PIWIL1: variants seen among roughly 807,000 people sequenced by gnomAD.
PIWIL1 encodes the protein piwi like RNA-mediated gene silencing 1.
Under a neutral mutation model 114.4 loss-of-function variants are expected in PIWIL1, and 73 were observed. The observed-to-expected ratio is 0.64, with a 90% CI of 0.53 to 0.78. The LOEUF is 0.78. Ranked by LOEUF, PIWIL1 falls within the 30% of genes least tolerant of loss-of-function variation. PIWIL1 has a pLI of 0.00. For missense variants in PIWIL1, 723 were observed against 1,063.1 expected, an observed-to-expected ratio of 0.68 and a Z score of 4.45; for synonymous variants, 375 against 369.0, an observed-to-expected ratio of 1.02 and a Z score of -0.19.
chr12:130,384,021 C>T, the PIWIL1 span: 1 of 152,144 alleles, frequency 6.6e-6, no homozygotes, highest in Non-Finnish European at 1.5e-5. Flanking sequence ...TTAATGAGTG[C>T]ATAGTCTTCC....
intron 11 of PIWIL1, 101 bp from the exon 12 acceptor site, chr12:130,355,452 C>T (rs1482027710): frequency 1.7e-5 from 15 of 885,196 alleles, no homozygotes; most frequent in African/African-American, 6.6e-5. Context: ...ACCCTGACGG[C>T]GACATTGGAG....
At chr12:130,388,408 A>C in the PIWIL1 span, among the ~76,000 whole-genome samples, 1 of 152,360 alleles carries the variant, frequency 6.6e-6, no homozygotes, top group African/African-American at 2.4e-5. Flanking sequence ...TTTAATTACT[A>C]TACTTACCTA....
chr12:130,347,448 A>G (rs2073099025), intron 6 of PIWIL1, among the ~76,000 whole-genome samples: 1 of 152,194 alleles, frequency 6.6e-6, no homozygotes, highest in African/African-American at 2.4e-5. Context: ...CTTTCAGTGT[A>G]CATATCACAT....
Position 130,346,509 on chromosome 12 carries a change from A to C in PIWIL1, c.456A>C (p.Gln152His), listed in dbSNP as rs760684894. ...ARRLRSALLF[Q>H]HEDLIGKCHA... ...GACTCCGTTCAGCTCTTCTTTTTCA[A>C]CACGAAGATCTAATTGGAAAGTGTC... The change falls in exon 5 of 21, where the codon CAA becomes CAC. Residue 152 changes from glutamine (Q) to histidine (H), a missense_variant. Physicochemically the swap from Gln to His is conservative, Grantham distance 24. Coordinates refer to ENST00000245255, the MANE Select transcript of PIWIL1 (RefSeq NM_004764.5). 1 of 1,614,116 alleles carries C rather than the reference A, an allele frequency of 6.2e-7. No homozygotes were observed. Among genetic ancestry groups the C allele is most frequent in the Non-Finnish European group, 8.5e-7 (1 of 1,179,978 alleles).
In PIWIL1 at chr12:130,348,054, G is replaced by A. The variant is rs745771100; in HGVS notation, c.654-49G>A. 1.2e-4 allele frequency: 151 copies of A among 1,233,060 alleles called. 1 individual carries two copies. The Admixed American group carries it at 2.1e-3, about 17-fold the overall frequency. The allele number at this position is 1,233,060 out of a possible 1,614,324, so 76.4% of individuals were successfully genotyped here. On this transcript the variant is annotated intron_variant, in intron 6 of 20. Transcript: ENST00000245255. ...TAAACGACATGCTGTTCTGATTGTC[G>A]TATTAGAGATACTTATCAATATTCA...
Position 130,354,469 on chromosome 12 carries a change from C to G in PIWIL1, c.1045-68C>G. On this transcript the variant is annotated intron_variant, in intron 9 of 20. Transcript: ENST00000245255. ...CTTTATTTTTTTAAAAAATGAAACC[C>G]TTTTTGCCCACTGAGATGCTACTCG... is the stretch of plus-strand genomic sequence containing the variant. 3 of 1,595,764 alleles carry G rather than the reference C, an allele frequency of 1.9e-6. No homozygotes were observed. The East Asian group carries it at 6.7e-5, about 36-fold the overall frequency.
At chr12:130,354,246 A>C (rs2073298880) in intron 9 of PIWIL1, among the ~76,000 whole-genome samples, 1 of 152,162 alleles carries the variant, frequency 6.6e-6, no homozygotes, top group African/African-American at 2.4e-5. Flanking sequence ...AAGAAATAAA[A>C]AATTAAGCAA....
chr12:130,363,612 C>CTT (rs34198016), intron 18 of PIWIL1, among the ~76,000 whole-genome samples: 1,947 of 82,408 alleles, frequency 0.024, 180 homozygotes, highest in African/African-American at 0.075. Context: ...TACTTTCTCC[C>CTT]TTTTTTTTTT....
chr12:130,391,802 G>A, the PIWIL1 span, among the ~76,000 whole-genome samples: 2 of 152,146 alleles, frequency 1.3e-5, no homozygotes, highest in Admixed American at 1.3e-4. Context: ...CACCCATGGG[G>A]GCATGCGTAA....
chr12:130,392,083 G>A, the PIWIL1 span, among the ~76,000 whole-genome samples: 3,386 of 63,204 alleles, frequency 0.054, 125 homozygotes, highest in South Asian at 0.17. Flanking sequence ...TCACGTGGAT[G>A]CATCAGTTAC....
chr12:130,342,612 C>T lies in PIWIL1; in HGVS notation c.21C>T (p.Ala7=), dbSNP rs2072953520. 3 of 1,613,768 alleles carry T rather than the reference C, an allele frequency of 1.9e-6. No individual in the cohort carries two copies. The highest frequency in any genetic ancestry group is 2.5e-6 in the Non-Finnish European group (3 of 1,179,672). The change falls in exon 2 of 21, where the codon GCC becomes GCT. Residue 7 remains alanine, a synonymous_variant. Coordinates refer to ENST00000245255, the MANE Select transcript of PIWIL1 (RefSeq NM_004764.5). ...AAACAATGACTGGGAGAGCCCGAGC[C>T]AGAGCCAGAGGAAGGGCCCGCGGTC... MTGRAR[A]RARGRARGQE... is the part of the protein sequence containing the mutation.
chr12:130,397,593 A>G, the PIWIL1 span: 1 of 398,662 alleles, frequency 2.5e-6, no homozygotes, highest in Non-Finnish European at 4.4e-6. Context: ...GTGAGCGCCA[A>G]CAACAGAATT....
chr12:130,393,183 G>A, the PIWIL1 span, among the ~76,000 whole-genome samples: 766 of 5,222 alleles, frequency 0.15, 2 homozygotes, highest in South Asian at 0.24. Context: ...TACCTGGTGA[G>A]TATTGAATGT....
intron 18 of PIWIL1, among the ~76,000 whole-genome samples, chr12:130,363,703 C>T (rs935461223): frequency 1.3e-5 from 2 of 150,428 alleles, no homozygotes; most frequent in African/African-American, 2.5e-5. Context: ...CTGCAACCTC[C>T]GCCTCCCAGG....
rs2073820287 is a variant in PIWIL1, at chr12:130,371,681, G to A, written c.*83G>A. On this transcript the variant is annotated 3_prime_UTR_variant, in exon 21 of 21. Coordinates refer to ENST00000245255, the MANE Select transcript of PIWIL1 (RefSeq NM_004764.5). Reference sequence around the variant, plus strand: ...GCTTTTATTTACTTTTTTTTTAACTGTTATCTTTCTGGATGAAACTTGGGA... The same window carrying A: ...GCTTTTATTTACTTTTTTTTTAACTATTATCTTTCTGGATGAAACTTGGGA... 4 of 853,408 alleles carry A rather than the reference G, an allele frequency of 4.7e-6. No homozygotes were observed. Among genetic ancestry groups the A allele is most frequent in the African/African-American group, 1.7e-5 (1 of 58,084 alleles). 52.9% of individuals were successfully genotyped at this position (853,408 alleles called of 1,614,324 possible).
chr12:130,397,639 A>G, the PIWIL1 span: 1 of 396,592 alleles, frequency 2.5e-6, no homozygotes, highest in Non-Finnish European at 4.4e-6. Flanking sequence ...GTTTCCCACC[A>G]GGAAAGGTCA....
At chr12:130,369,797 A>G (rs558380339) in intron 19 of PIWIL1, among the ~76,000 whole-genome samples, 6 of 152,034 alleles carry the variant, frequency 3.9e-5, no homozygotes, top group Non-Finnish European at 7.4e-5. Context: ...CTTTTGTAAG[A>G]TGGGTAGATT....
chr12:130,379,804 G>A, the PIWIL1 span, among the ~76,000 whole-genome samples: 4 of 18,178 alleles, frequency 2.2e-4, no homozygotes, highest in Non-Finnish European at 2.0e-4. Flanking sequence ...TCCCATCCAA[G>A]CATTGACAGT....
chr12:130,397,553 G>A, the PIWIL1 span: 2 of 399,036 alleles, frequency 5.0e-6, no homozygotes, highest in Non-Finnish European at 4.4e-6. Context: ...GAGGAACCTA[G>A]TAGGTACAGT....
Sources: allele counts gnomAD v4.1 joint callset (sites outside exome capture counted in the v4.1 genomes callset), GRCh38; gene constraint gnomAD v4.1.1; transcripts MANE v1.5; gene names NCBI Gene and HGNC (gene_info 2026-07-23, HGNC 2026-07-21).